Variants in FIG4 observed in about 807,000 individuals in gnomAD.
FIG4 encodes FIG4 phosphoinositide 5-phosphatase.
In FIG4, 112 loss-of-function variants were observed where a neutral mutation model predicts 118.6. The observed-to-expected ratio is 0.94, with a 90% CI of 0.81 to 1.11. The LOEUF is 1.11. FIG4 is among the 50% of genes least tolerant of loss of function. The pLI is 0.00. For synonymous variants in FIG4, 369 were observed against 381.2 expected, an observed-to-expected ratio of 0.97 and a Z score of 0.37; for missense variants, 969 against 1,111.7, an observed-to-expected ratio of 0.87 and a Z score of 1.83.
chr6:109,753,660 T>A (rs1776785080), intron 10 of FIG4, among the ~76,000 whole-genome samples: 1 of 152,170 alleles, frequency 6.6e-6, no homozygotes, highest in Non-Finnish European at 1.5e-5. Context: ...GTCCTTCACA[T>A]CCCTTGTAAG....
intron 1 of FIG4, among the ~76,000 whole-genome samples, chr6:109,706,341 A>C (rs1049002826): frequency 6.6e-6 from 1 of 152,150 alleles, no homozygotes; most frequent in African/African-American, 2.4e-5. Context: ...CTCAAGGCCA[A>C]ATTCAGAATC....
intron 22 of FIG4, among the ~76,000 whole-genome samples, chr6:109,799,943 G>A (rs976524259): frequency 1.3e-5 from 2 of 152,156 alleles, no homozygotes; most frequent in Admixed American, 6.5e-5. Context: ...GGTGATCAGG[G>A]AGAAAGGGCA....
intron 22 of FIG4, among the ~76,000 whole-genome samples, chr6:109,818,519 G>T (rs1371794508): frequency 3.9e-5 from 6 of 152,108 alleles, no homozygotes; most frequent in Non-Finnish European, 8.8e-5. Flanking sequence ...TTTTATTACA[G>T]AATATTGTCA....
At chr6:109,694,445 A>AT (rs1774647220) in intron 1 of FIG4, among the ~76,000 whole-genome samples, 1 of 152,218 alleles carries the variant, frequency 6.6e-6, no homozygotes, top group South Asian at 2.1e-4. Flanking sequence ...CTTAAAATGG[A>AT]TTAAAGGCTT....
At chr6:109,761,222 G>T (rs1424600529) in intron 11 of FIG4, among the ~76,000 whole-genome samples, 2 of 151,830 alleles carry the variant, frequency 1.3e-5, no homozygotes, top group African/African-American at 2.4e-5. Context: ...ACATAGTCTT[G>T]CTCTGTTGCC....
intron 1 of FIG4, chr6:109,701,862 A>T: frequency 2.4e-6 from 1 of 423,956 alleles, no homozygotes; most frequent in Non-Finnish European, 4.9e-6. Context: ...TAGCGATTAT[A>T]TTAATAACTG....
intron 1 of FIG4, among the ~76,000 whole-genome samples, chr6:109,704,019 A>C (rs901138437): frequency 1.3e-5 from 2 of 152,064 alleles, no homozygotes; most frequent in African/African-American, 4.8e-5. Flanking sequence ...TGCTGCATAC[A>C]TGCTGATGGC....
At chr6:109,797,389 AC>A (rs1778317596) in intron 22 of FIG4, among the ~76,000 whole-genome samples, 1 of 152,206 alleles carries the variant, frequency 6.6e-6, no homozygotes, top group Admixed American at 6.5e-5. Context: ...AATAACACCT[AC>A]TTTGTAGGAC....
At chr6:109,703,907 A>G (rs1774979465) in intron 1 of FIG4, among the ~76,000 whole-genome samples, 1 of 152,118 alleles carries the variant, frequency 6.6e-6, no homozygotes, top group Non-Finnish European at 1.5e-5. Flanking sequence ...CCTTCTCCGT[A>G]TCCAGCCTCT....
In FIG4 at chr6:109,707,307, GTA is replaced by G. The variant is rs1429440480; in HGVS notation, c.67-7769_67-7768del. Among the ~76,000 whole-genome samples, 4 of 147,418 alleles carry G rather than the reference GTA, an allele frequency of 2.7e-5. No individual in the cohort carries two copies. The East Asian group carries it at 5.9e-4, about 22-fold the overall frequency. On this transcript the variant is annotated intron_variant, in intron 1 of 22. Transcript: ENST00000230124. ...TATATATATATGTGTGTGTGTGTGT[GTA>G]TGTGTATATATATATGTATAGGTAT...
At chr6:109,757,638 AG>A (rs1367348566) in intron 10 of FIG4, among the ~76,000 whole-genome samples, 2 of 152,218 alleles carry the variant, frequency 1.3e-5, no homozygotes, top group Admixed American at 6.5e-5. Context: ...GAAAGAAATA[AG>A]GGGTATTCAG....
chr6:109,723,036 A>G (rs1029039035), intron 3 of FIG4, among the ~76,000 whole-genome samples: 4 of 152,348 alleles, frequency 2.6e-5, no homozygotes, highest in Non-Finnish European at 4.4e-5. Flanking sequence ...GGAGCAGGCC[A>G]TGATCCAAAT....
At chr6:109,821,201 A>T (rs1778996422) in intron 22 of FIG4, among the ~76,000 whole-genome samples, 1 of 152,160 alleles carries the variant, frequency 6.6e-6, no homozygotes, top group Non-Finnish European at 1.5e-5. Flanking sequence ...AGGAAGGAGA[A>T]AGCCCAGACA....
At position 109,762,094 on chromosome 6, in the gene FIG4, G is replaced by A; in HGVS notation, c.1275G>A (p.Lys425=). The part of the protein sequence containing the change: ...PWDMAKYTKS[K]LCNVLDRLNV... ...TCATTCTTCCTTCTCTCCTCAGCAA[G>A]CTGTGTAATGTTCTTGATCGACTAA... Residue 425 remains lysine (K), a synonymous_variant, in exon 12 of 23, where the codon AAG becomes AAA. Transcript: ENST00000230124. 6.3e-7 allele frequency: 1 copy of A among 1,597,164 alleles called. No individual in the cohort carries two copies. Among genetic ancestry groups the A allele is most frequent in the Non-Finnish European group, 8.6e-7 (1 of 1,164,646 alleles).
chr6:109,785,260 T>A (rs535388137), intron 17 of FIG4, among the ~76,000 whole-genome samples: 6 of 152,210 alleles, frequency 3.9e-5, no homozygotes, highest in African/African-American at 1.4e-4. Flanking sequence ...TACCTTGTAT[T>A]GTGTCTTACA....
rs1248056795 is a variant in FIG4, at chr6:109,691,494, C to T, written c.59C>T (p.Thr20Ile). Residue 20 changes from threonine (T) to isoleucine (I), a missense_variant, in exon 1 of 23, where the codon ACT (threonine) becomes ATT (isoleucine). This residue lies in a region of FIG4 where 393 missense variants were observed against 409.4 expected (regional missense o/e 0.96). Coordinates refer to ENST00000230124, the MANE Select transcript of FIG4 (RefSeq NM_014845.6). ...GTCCAGAAGCTGGTTCTGTATGAGA[C>T]TAGAGCTGTGAGTACCCCCTCGCGG... ...SSVQKLVLYETRARYFLVGSN... is the reference protein window; with the variant it reads ...SSVQKLVLYEIRARYFLVGSN... The T allele has an allele frequency of 6.3e-7, 1 of 1,580,582 alleles. No individual in the cohort carries two copies. The highest frequency in any genetic ancestry group is 1.8e-5 in the Admixed American group (1 of 55,288).
intron 22 of FIG4, among the ~76,000 whole-genome samples, chr6:109,800,653 T>C (rs1041237407): frequency 5.9e-5 from 9 of 152,156 alleles, no homozygotes; most frequent in Admixed American, 6.5e-5. Flanking sequence ...TCATCCCCCA[T>C]CACACCCATG....
At chr6:109,716,072 T>A (rs1775420350) in intron 2 of FIG4, among the ~76,000 whole-genome samples, 2 of 152,188 alleles carry the variant, frequency 1.3e-5, no homozygotes, top group African/African-American at 2.4e-5. Flanking sequence ...AGAGAGCCCT[T>A]TGAAATGTTA....
chr6:109,795,210 C>G (rs1778251866), intron 21 of FIG4, among the ~76,000 whole-genome samples: 1 of 146,990 alleles, frequency 6.8e-6, no homozygotes, highest in Non-Finnish European at 1.5e-5. Flanking sequence ...CTGCAAGCTC[C>G]GCTTCCGGGG....
Sources: gnomAD v4.1 joint callset for allele counts (sites outside exome capture counted in the v4.1 genomes callset) on GRCh38, gnomAD v4.1.1 for gene constraint, gnomAD v4.1.1 regional missense constraint, MANE v1.5 for transcripts, NCBI Gene and HGNC (gene_info 2026-07-23, HGNC 2026-07-21) for gene names.